TMCC2: variants seen among roughly 807,000 people sequenced by gnomAD.
TMCC2 encodes the protein transmembrane and coiled-coil domains protein 2.
Under a neutral mutation model 49.4 loss-of-function variants are expected in TMCC2, and 16 were observed. The observed-to-expected ratio is 0.32, with a 90% CI of 0.22 to 0.49. TMCC2 has a LOEUF of 0.49. Ranked by LOEUF, TMCC2 falls within the 20% of genes least tolerant of loss-of-function variation. TMCC2 has a pLI of 0.99. For synonymous variants in TMCC2, 397 were observed against 434.1 expected, an observed-to-expected ratio of 0.91 and a Z score of 1.06; for missense variants, 762 against 989.8, an observed-to-expected ratio of 0.77 and a Z score of 3.09.
chr1:205,257,236 C>T, intron 2 of TMCC2: 2 of 1,232,432 alleles, frequency 1.6e-6, no homozygotes, highest in Non-Finnish European at 2.0e-6. Context: ...AACTCAGGCA[C>T]ACCTGCTCGC....
chr1:205,262,115 G>C (rs1195005526), intron 2 of TMCC2, among the ~76,000 whole-genome samples: 1 of 152,178 alleles, frequency 6.6e-6, no homozygotes, highest in African/African-American at 2.4e-5. Context: ...CTGAAAGGTA[G>C]CTGTCACCCT....
At chr1:205,270,047 T>A (rs1326344472) in intron 3 of TMCC2, among the ~76,000 whole-genome samples, 163 bp downstream of exon 3, 1 of 143,644 alleles carries the variant, frequency 7.0e-6, no homozygotes, top group Non-Finnish European at 1.6e-5. Context: ...TCTTTCTTTT[T>A]TCCTTCTGTA....
At chr1:205,231,446 G>A (rs929069097) in intron 1 of TMCC2, among the ~76,000 whole-genome samples, 3 of 152,002 alleles carry the variant, frequency 2.0e-5, no homozygotes, top group Admixed American at 1.3e-4. Context: ...ACAGGCACAC[G>A]CCACCATGCC....
chr1:205,265,660 A>G (rs1173056819), intron 2 of TMCC2, among the ~76,000 whole-genome samples: 2 of 150,504 alleles, frequency 1.3e-5, no homozygotes, highest in African/African-American at 4.9e-5. Context: ...CTCCCAGTTC[A>G]AGAAATTCTC....
chr1:205,260,584 C>T (rs1181432042), intron 2 of TMCC2, among the ~76,000 whole-genome samples: 2 of 152,208 alleles, frequency 1.3e-5, no homozygotes, highest in Non-Finnish European at 2.9e-5. Flanking sequence ...TGGCCTTCCA[C>T]ACCCAATTGT....
At position 205,270,477 on chromosome 1, in the gene TMCC2, C is replaced by T. The variant is rs541702747; in HGVS notation, c.1682+593C>T. Among the ~76,000 whole-genome samples the T allele has an allele frequency of 7.9e-5, 12 of 152,320 alleles. 1 individual carries two copies. Among genetic ancestry groups the T allele is most frequent in the African/African-American group, 2.9e-4 (12 of 41,570 alleles). Reference sequence around the variant, plus strand: ...TGTGTCTCCCTCCGGTCCTGTGCTGCCCTTTTCTGCCCTTGGCTCTGTGCC... The same window carrying T: ...TGTGTCTCCCTCCGGTCCTGTGCTGTCCTTTTCTGCCCTTGGCTCTGTGCC... On this transcript the variant is annotated intron_variant, in intron 3 of 4. Transcript: ENST00000358024.
chr1:205,231,107 AG>A (rs1417118267), intron 1 of TMCC2, among the ~76,000 whole-genome samples: 1 of 151,250 alleles, frequency 6.6e-6, no homozygotes, highest in African/African-American at 2.4e-5. Flanking sequence ...GGAAACAAGC[AG>A]GGCTTTTCCT....
chr1:205,250,604 A>C (rs1007507572), intron 2 of TMCC2, among the ~76,000 whole-genome samples: 3 of 152,246 alleles, frequency 2.0e-5, no homozygotes, highest in African/African-American at 7.2e-5. Context: ...CTGGGAGTAC[A>C]GAAATCACCA....
In TMCC2 at chr1:205,229,942, A is replaced by C. The variant is rs1167112359; in HGVS notation, c.207+1171A>C. 5 of 985,360 alleles carry C rather than the reference A, an allele frequency of 5.1e-6. No individual in the cohort carries two copies. In the Admixed American group the frequency reaches 3.1e-4, roughly 61 times the overall value. 61.0% of individuals were successfully genotyped at this position (985,360 alleles called of 1,614,324 possible). On this transcript the variant is annotated intron_variant, in intron 1 of 4. Transcript: ENST00000358024. ...CTCAAGCCAGCTCACCGTCCAGCTGAGCGAGATGTCAGCCCAAGGAAGGAA... is the reference window on the plus strand; with the variant it reads ...CTCAAGCCAGCTCACCGTCCAGCTGCGCGAGATGTCAGCCCAAGGAAGGAA...
At chr1:205,250,962 C>A (rs1660644474) in intron 2 of TMCC2, among the ~76,000 whole-genome samples, 1 of 152,194 alleles carries the variant, frequency 6.6e-6, no homozygotes, top group African/African-American at 2.4e-5. Context: ...CCAGCACGTT[C>A]TTCCCTGGAT....
chr1:205,272,040 C>G lies in TMCC2; in HGVS notation c.2046C>G (p.Thr682=). 6.2e-7 allele frequency: 1 copy of G among 1,614,216 alleles called. No homozygotes were observed. Among genetic ancestry groups the G allele is most frequent in the Middle Eastern group, 1.6e-4 (1 of 6,062 alleles). ...CACGCCTGCGCATCACCAGCACCAC[C>G]CTCCTGGTCCTCGTCCTGTTCCTCC... is the stretch of plus-strand genomic sequence containing the variant. The part of the protein sequence containing the change: ...MKTRLRITST[T]LLVLVLFLLW... Residue 682 remains threonine, a synonymous_variant, in exon 5 of 5, where the codon ACC becomes ACG. Transcript: ENST00000358024.
Position 205,269,919 on chromosome 1 carries a change from C to T in TMCC2, c.1682+35C>T, listed in dbSNP as rs529826945. 40 of 1,583,650 alleles carry T rather than the reference C, an allele frequency of 2.5e-5. 1 individual carries two copies. The Admixed American group carries it at 3.2e-4, about 13-fold the overall frequency. The stretch of plus-strand genomic sequence containing the variant: ...TGCCCACCCCCTCCTGCAGCCCAGC[C>T]GGACGTGGGATGAGGCAAGGAGCAC... On this transcript the variant is annotated intron_variant, in intron 3 of 4. Coordinates refer to ENST00000358024, the MANE Select transcript of TMCC2 (RefSeq NM_014858.4).
chr1:205,248,525 C>T (rs1660543278), intron 2 of TMCC2, among the ~76,000 whole-genome samples: 2 of 152,194 alleles, frequency 1.3e-5, no homozygotes, highest in African/African-American at 4.8e-5. Context: ...AAGTTGTCAT[C>T]AATTGTGGGT....
intron 2 of TMCC2, among the ~76,000 whole-genome samples, chr1:205,261,185 A>ACACTTATT (rs1661097356): frequency 6.7e-6 from 1 of 148,222 alleles, no homozygotes; most frequent in South Asian, 2.1e-4. Context: ...ATGCTCACCA[A>ACACTTATT]CACTTATTTC....
intron 1 of TMCC2, among the ~76,000 whole-genome samples, chr1:205,240,304 A>G (rs1177689913): frequency 1.3e-5 from 2 of 152,278 alleles, no homozygotes; most frequent in African/African-American, 4.8e-5. Context: ...CTCTGTGAGC[A>G]GTCTTGCCGG....
Position 205,241,816 on chromosome 1 carries a change from C to T in TMCC2, c.519C>T (p.Gly173=), listed in dbSNP as rs751150329. 30 of 1,602,538 alleles carry T rather than the reference C, an allele frequency of 1.9e-5. 1 individual carries two copies. The highest frequency in any genetic ancestry group is 1.7e-5 in the Admixed American group (1 of 58,912). The part of the protein sequence containing the change: ...RGASLHSSSG[G]GSSGSSSRRT... ...CCAGCCTGCACAGCAGCAGTGGGGGCGGCAGCAGCGGGAGCAGCAGCCGGC... is the reference window on the plus strand; with the variant it reads ...CCAGCCTGCACAGCAGCAGTGGGGGTGGCAGCAGCGGGAGCAGCAGCCGGC... Residue 173 remains glycine, a synonymous_variant, in exon 2 of 5, where the codon GGC becomes GGT. Transcript: ENST00000358024. The surrounding 1 kb of genome is among the most constrained non-coding windows in gnomAD (Gnocchi z 7.3).
intron 1 of TMCC2, among the ~76,000 whole-genome samples, chr1:205,236,003 A>G (rs550147480): frequency 1.0e-3 from 158 of 151,660 alleles, no homozygotes; most frequent in South Asian, 9.0e-3. Flanking sequence ...CGGCAGGCAA[A>G]GGTTGCAGTG....
chr1:205,229,820 C>T (rs1659720880), intron 1 of TMCC2: 3 of 985,384 alleles, frequency 3.0e-6, no homozygotes, highest in Non-Finnish European at 3.6e-6. Flanking sequence ...AGACAATTGG[C>T]GAGCTGTCTT....
chr1:205,228,958 C>T lies in TMCC2; in HGVS notation c.207+187C>T, dbSNP rs543796804. 12 of 1,404,818 alleles carry T rather than the reference C, an allele frequency of 8.5e-6. No homozygotes were observed. In the African/African-American group the frequency reaches 1.2e-4, roughly 13 times the overall value. The allele number at this position is 1,404,818 out of a possible 1,614,324, so 87.0% of individuals were successfully genotyped here. A position where few individuals can be genotyped will look rare whatever the true frequency, so the allele number is the denominator to read the frequency against. On this transcript the variant is annotated intron_variant, in intron 1 of 4. Coordinates refer to ENST00000358024, the MANE Select transcript of TMCC2 (RefSeq NM_014858.4). ...CATTTATGCCTCTGTCTTTCAGCTC[C>T]GTGTCAGGTCTCTGTGTTTGTTCCC... is the stretch of plus-strand genomic sequence containing the variant.
Sources: allele counts gnomAD v4.1 joint callset (sites outside exome capture counted in the v4.1 genomes callset), GRCh38; gene constraint gnomAD v4.1.1; non-coding constraint Gnocchi (gnomAD v3.1); transcripts MANE v1.5; gene names NCBI Gene and HGNC (gene_info 2026-07-23, HGNC 2026-07-21).